The following KDM4A variants were observed in gnomAD, a reference collection of about 807,000 sequenced individuals.
KDM4A encodes lysine-specific demethylase 4A.
Under a neutral mutation model 127.1 loss-of-function variants are expected in KDM4A, and 23 were observed. The ratio of observed to expected loss-of-function variants is 0.18; its 90% CI spans 0.13 to 0.26. The LOEUF is 0.26. Among genes scored for constraint, KDM4A ranks in the 10% least tolerant of loss-of-function variants. The pLI is 1.00. For missense variants in KDM4A, 890 were observed against 1,329.1 expected, an observed-to-expected ratio of 0.67 and a Z score of 5.14; for synonymous variants, 443 against 466.5, an observed-to-expected ratio of 0.95 and a Z score of 0.65.
intron 4 of KDM4A, among the ~76,000 whole-genome samples, chr1:43,660,977 A>ATT (rs767471081): frequency 0.025 from 3,606 of 144,866 alleles, 159 homozygotes; most frequent in African/African-American, 0.087. Context: ...TCATATTTTA[A>ATT]TTTTTTTTTT....
chr1:43,690,946 G>A lies in KDM4A; in HGVS notation c.2139G>A (p.Ser713=), dbSNP rs142418212. The A allele has an allele frequency of 3.1e-6, 5 of 1,614,162 alleles. No individual in the cohort carries two copies. Among genetic ancestry groups the A allele is most frequent in the African/African-American group, 1.3e-5 (1 of 75,036 alleles). ...KPLIPEMCFT[S]TGCSTDINLS... The stretch of plus-strand genomic sequence containing the variant: ...TGATTCCAGAAATGTGCTTCACTTC[G>A]ACTGGCTGCAGCACGGACATCAACC... Residue 713 remains serine, a synonymous_variant, in exon 14 of 22, where the codon TCG becomes TCA. Coordinates refer to ENST00000372396, the MANE Select transcript of KDM4A (RefSeq NM_014663.3).
At chr1:43,657,487 C>T (rs1159055972) in intron 3 of KDM4A, among the ~76,000 whole-genome samples, 1 of 152,188 alleles carries the variant, frequency 6.6e-6, no homozygotes, top group Non-Finnish European at 1.5e-5. Context: ...AGGTGTGAGC[C>T]ACCGTGCCCG....
intron 18 of KDM4A, 117 bp downstream of exon 18, chr1:43,695,011 T>C: frequency 9.9e-7 from 1 of 1,010,694 alleles, no homozygotes; most frequent in Non-Finnish European, 1.4e-6. Flanking sequence ...TTATGAAGAG[T>C]GCTAATGAGT....
At chr1:43,697,583 A>AG (rs1298932362) in intron 18 of KDM4A, among the ~76,000 whole-genome samples, 3 of 152,218 alleles carry the variant, frequency 2.0e-5, no homozygotes, top group Non-Finnish European at 4.4e-5. Flanking sequence ...ATATGGTATA[A>AG]GGGCCAGTTG....
chr1:43,702,106 C>T (rs1440243715), intron 19 of KDM4A: 1 of 152,062 alleles, frequency 6.6e-6, no homozygotes, highest in Non-Finnish European at 1.5e-5. Context: ...TGTACCTATC[C>T]TAGGTAAATG....
At chr1:43,661,956 A>G (rs1341470781) in intron 4 of KDM4A, among the ~76,000 whole-genome samples, 1 of 152,156 alleles carries the variant, frequency 6.6e-6, no homozygotes, top group Non-Finnish European at 1.5e-5. Flanking sequence ...GGTTAGTGGT[A>G]TGATCATAGA....
chr1:43,657,014 C>T (rs933496223), intron 3 of KDM4A, among the ~76,000 whole-genome samples: 1 of 152,084 alleles, frequency 6.6e-6, no homozygotes, highest in Non-Finnish European at 1.5e-5. Flanking sequence ...AATGATCCTC[C>T]TTGCTCAGCC....
intron 19 of KDM4A, among the ~76,000 whole-genome samples, chr1:43,700,954 C>T (rs1015298328): frequency 4.0e-5 from 6 of 149,218 alleles, no homozygotes; most frequent in African/African-American, 1.0e-4. Context: ...GACAGAGTCT[C>T]GCTCTGTCGC....
At chr1:43,650,675 G>GT (rs1660092008) in intron 1 of KDM4A, 1 of 152,370 alleles carries the variant, frequency 6.6e-6, no homozygotes, top group Admixed American at 6.5e-5. Flanking sequence ...TATTGAGTGG[G>GT]TAAGTACCGG....
intron 18 of KDM4A, 113 bp downstream of exon 18, chr1:43,695,007 A>C: frequency 9.4e-7 from 1 of 1,067,120 alleles, no homozygotes; most frequent in South Asian, 1.6e-5. Flanking sequence ...TGCATTATGA[A>C]GAGTGCTAAT....
intron 11 of KDM4A, among the ~76,000 whole-genome samples, chr1:43,672,392 T>G (rs571507925): frequency 1.3e-5 from 2 of 152,286 alleles, no homozygotes; most frequent in South Asian, 4.1e-4. Context: ...TTTCACCATG[T>G]TGGCCAGGCT....
rs753226619 is a variant in KDM4A at position 43,688,984 on chromosome 1, A to C, written c.1926A>C (p.Gln642His). ...AGGCCTGGGCCAAGCCTCTGAGCCAACTGTGGCAGAACCGACCTCCAAACT... is the reference window on the plus strand; with the variant it reads ...AGGCCTGGGCCAAGCCTCTGAGCCACCTGTGGCAGAACCGACCTCCAAACT... Reference protein sequence around the residue: ...ETEAWAKPLSQLWQNRPPNFE... With the variant: ...ETEAWAKPLSHLWQNRPPNFE... The change falls in exon 13 of 22, where the codon CAA becomes CAC. Residue 642 changes from glutamine (Q) to histidine (H), a missense_variant. Gln to His is a conservative substitution (Grantham distance 24). Coordinates refer to ENST00000372396, the MANE Select transcript of KDM4A (RefSeq NM_014663.3). The surrounding 1 kb of genome is among the most constrained non-coding windows in gnomAD (Gnocchi z 4.4). 2.5e-6 allele frequency: 4 copies of C among 1,614,238 alleles called. No individual in the cohort carries two copies. The highest frequency in any genetic ancestry group is 4.5e-5 in the East Asian group (2 of 44,878).
chr1:43,676,746 T>G (rs1660749564), intron 11 of KDM4A, among the ~76,000 whole-genome samples: 1 of 152,208 alleles, frequency 6.6e-6, no homozygotes, highest in Non-Finnish European at 1.5e-5. Context: ...TACATATTTT[T>G]GGGGTACATG....
intron 3 of KDM4A, among the ~76,000 whole-genome samples, chr1:43,656,256 C>G (rs976986369): frequency 3.1e-4 from 47 of 149,802 alleles, no homozygotes; most frequent in Non-Finnish European, 6.2e-4. Context: ...CTCCTTCTTT[C>G]TCTGTACATT....
rs761713342 is a variant in KDM4A at position 43,704,376 on chromosome 1, T to A, written c.*6T>A. On this transcript the variant is annotated 3_prime_UTR_variant, in exon 22 of 22. Transcript: ENST00000372396. ...ACCGGGCCATCATGGAGTAGGTGCT[T>A]CCAGGGTCCAAGGGATTCTCAGCCA... The A allele has an allele frequency of 4.3e-6, 7 of 1,612,530 alleles. No individual in the cohort carries two copies. The South Asian group carries it at 6.6e-5, about 15-fold the overall frequency.
Position 43,689,059 on chromosome 1 carries a change from C to G in KDM4A, c.2001C>G (p.His667Gln), listed in dbSNP as rs547469506. The change falls in exon 13 of 22, where the codon CAC becomes CAG. Residue 667 changes from histidine (H) to glutamine (Q), a missense_variant. By Grantham distance (24) the His-to-Gln change is conservative. Coordinates refer to ENST00000372396, the MANE Select transcript of KDM4A (RefSeq NM_014663.3). ...AGACCATGGCCCAACAGGCCCCTCA[C>G]TGCGCTGTCTGTATGATCTTCCAGA... Reference protein sequence around the residue: ...FNETMAQQAPHCAVCMIFQTY... With the variant: ...FNETMAQQAPQCAVCMIFQTY... The G allele has an allele frequency of 6.2e-7, 1 of 1,614,242 alleles. No individual in the cohort carries two copies. The highest frequency in any genetic ancestry group is 8.5e-7 in the Non-Finnish European group (1 of 1,180,034).
At chr1:43,652,337 T>C (rs1161362981) in intron 1 of KDM4A, among the ~76,000 whole-genome samples, 1 of 152,186 alleles carries the variant, frequency 6.6e-6, no homozygotes, top group East Asian at 1.9e-4. Context: ...ATTAGTTTCC[T>C]TTTTTTAGCT....
At chr1:43,655,539 AC>A in intron 2 of KDM4A, 51 bp from the exon 3 acceptor site, 9 of 1,507,544 alleles carry the variant, frequency 6.0e-6, no homozygotes, top group Non-Finnish European at 7.2e-6. Flanking sequence ...CTGGACTCTG[AC>A]TGGCTTGCCA....
rs1045533132 is a variant in KDM4A at position 43,693,952 on chromosome 1, T to C, written c.2376-42T>C. The C allele has an allele frequency of 1.3e-6, 2 of 1,561,430 alleles. No homozygotes were observed. The highest frequency in any genetic ancestry group is 1.4e-5 in the African/African-American group (1 of 73,830). ...GCCCAAAAGAGAAGGCCACAGAGCC[T>C]TGGGCCCAGAGGTGACTGAGGGAGC... is the stretch of plus-strand genomic sequence containing the variant. On this transcript the variant is annotated intron_variant, in intron 16 of 21. Coordinates refer to ENST00000372396, the MANE Select transcript of KDM4A (RefSeq NM_014663.3). This position sits in a 1 kb window ranked among gnomAD's most constrained non-coding sequence, Gnocchi z 4.2.
Sources: allele counts gnomAD v4.1 joint callset (sites outside exome capture counted in the v4.1 genomes callset), GRCh38; gene constraint gnomAD v4.1.1; non-coding constraint Gnocchi (gnomAD v3.1); transcripts MANE v1.5; gene names NCBI Gene and HGNC (gene_info 2026-07-23, HGNC 2026-07-21).